Variants in ERN2 observed in about 807,000 individuals in gnomAD.
ERN2 encodes the protein endoplasmic reticulum to nucleus signaling 2.
In ERN2, 111 loss-of-function variants were observed where a neutral mutation model predicts 107.9. The ratio of observed to expected loss-of-function variants is 1.03; its 90% CI spans 0.88 to 1.20. ERN2 has a LOEUF of 1.20. Ranked by LOEUF, ERN2 falls within the 50% of genes most tolerant of loss-of-function variation. The pLI is 0.00. For missense variants in ERN2, 1,225 were observed against 1,197.9 expected (o/e 1.02, Z -0.33); for synonymous variants, 524 against 501.7 (o/e 1.04, Z -0.59).
Position 23,695,307 on chromosome 16 carries a change from G to A in ERN2, c.1693C>T (p.Leu565=). 1.2e-6 allele frequency: 2 copies of A among 1,613,824 alleles called. No individual in the cohort carries two copies. Among genetic ancestry groups the A allele is most frequent in the Non-Finnish European group, 1.7e-6 (2 of 1,179,916 alleles). Residue 565 remains leucine (L), a synonymous_variant, in exon 15 of 22, where the codon CTG becomes TTG. Coordinates refer to ENST00000256797, the MANE Select transcript of ERN2 (RefSeq NM_033266.4). ...TTGGGGTGCCTGTCAGACTCCTGCA[G>A]CAGTTGAACTTCCCGCCGAACCAGG... ...FGLVRREVQL[L]QESDRHPNVL...
In ERN2 at chr16:23,700,376, A is replaced by G. The variant is rs74012337; in HGVS notation, c.1525+163T>C. Reference sequence around the variant, plus strand: ...TGAAAAAATGACAGCAGACACTCCTAGAGTGCTCAATTACGTAGCAGGCTC... The same window carrying G: ...TGAAAAAATGACAGCAGACACTCCTGGAGTGCTCAATTACGTAGCAGGCTC... On this transcript the variant is annotated intron_variant, in intron 13 of 21. Coordinates refer to ENST00000256797, the MANE Select transcript of ERN2 (RefSeq NM_033266.4). 4.1e-3 allele frequency among the ~76,000 whole-genome samples: 631 copies of G among 152,326 alleles called. 9 individuals are homozygous for G. Among genetic ancestry groups the G allele is most frequent in the African/African-American group, 0.015 (604 of 41,572 alleles).
rs1288942768 is a variant in ERN2, at chr16:23,706,874, A to C, written c.380-13T>G. The C allele has an allele frequency of 6.2e-6, 10 of 1,607,932 alleles. No homozygotes were observed. The highest frequency in any genetic ancestry group is 8.5e-6 in the Non-Finnish European group (10 of 1,174,620). On this transcript the variant is annotated splice_polypyrimidine_tract_variant and intron_variant, in intron 5 of 21. Coordinates refer to ENST00000256797, the MANE Select transcript of ERN2 (RefSeq NM_033266.4). ...TCCTGCTTCCGGCCTGTGGAGGTGG[A>C]AAGTGTGTTAGCTCTCAAGTTGGCA...
rs144801608 is a variant in ERN2, at chr16:23,691,146, G to A, written c.2551C>T (p.Arg851Cys). ...ACACATACCTTGTTCCTCACAGCACGGAGCAGGTCTCGCACTGATGTCCCC... is the reference window on the plus strand; with the variant it reads ...ACACATACCTTGTTCCTCACAGCACAGAGCAGGTCTCGCACTGATGTCCCC... ...YKGTSVRDLL[R>C]AVRNKKHHYR... The change falls in exon 21 of 22, where the codon CGT (arginine) becomes TGT (cysteine). Residue 851 changes from arginine to cysteine, a missense_variant. Transcript: ENST00000256797. The A allele has an allele frequency of 7.4e-6, 12 of 1,613,728 alleles. No homozygotes were observed. The highest frequency in any genetic ancestry group is 1.3e-5 in the African/African-American group (1 of 74,804).
In ERN2 at chr16:23,695,965, G is replaced by C; in HGVS notation, c.1539C>G (p.Thr513=). Reference sequence around the variant, plus strand: ...GATTGAAGGAAATCTTCCCCACTACGGTGAGTTGCTCAGCTGGGGGAGAGG... The same window carrying C: ...GATTGAAGGAAATCTTCCCCACTACCGTGAGTTGCTCAGCTGGGGGAGAGG... The part of the protein sequence containing the change: ...PLDDPEAEQL[T]VVGKISFNPK... Residue 513 remains threonine (T), a synonymous_variant, in exon 14 of 22, where the codon ACC becomes ACG. Coordinates refer to ENST00000256797, the MANE Select transcript of ERN2 (RefSeq NM_033266.4). 1 of 1,613,948 alleles carries C rather than the reference G, an allele frequency of 6.2e-7. No homozygotes were observed. The highest frequency in any genetic ancestry group is 8.5e-7 in the Non-Finnish European group (1 of 1,179,844).
At position 23,694,881 on chromosome 16, in the gene ERN2, G is replaced by C; in HGVS notation, c.1947C>G (p.Asp649Glu). 1 of 1,614,238 alleles carries C rather than the reference G, an allele frequency of 6.2e-7. No homozygotes were observed. The highest frequency in any genetic ancestry group is 8.5e-7 in the Non-Finnish European group (1 of 1,180,040). Residue 649 changes from aspartate (D) to glutamate (E), a missense_variant, in exon 17 of 22, where the codon GAC (aspartate) becomes GAG (glutamate). Transcript: ENST00000256797. ...KPGNILITGP[D>E]SQGLGRVVLS... is the part of the protein sequence containing the mutation. ...GCACCACTCTGCCCAGGCCCTGGCT[G>C]TCAGGCCCGGTGATGAGAATATTTC...
intron 13 of ERN2, among the ~76,000 whole-genome samples, chr16:23,700,318 C>A (rs1050357238): frequency 6.6e-6 from 1 of 152,084 alleles, no homozygotes; most frequent in Admixed American, 6.6e-5. Flanking sequence ...GCCTGGGCAA[C>A]AGAGCAAGAT....
In ERN2 at chr16:23,700,627, G is replaced by C. The variant is rs1960011331; in HGVS notation, c.1437C>G (p.Ala479=). The C allele has an allele frequency of 3.7e-6, 6 of 1,614,012 alleles. No homozygotes were observed. Among genetic ancestry groups the C allele is most frequent in the Non-Finnish European group, 5.1e-6 (6 of 1,180,010 alleles). ...GGCTGGCCCCCGAGTGCAGGGACTG[G>C]GCATCCTGGGAGATGTGAGCAAAGT... ...PADFAHISQD[A]QSLHSGASRR... is the part of the protein sequence containing the mutation. The change falls in exon 13 of 22, where the codon GCC becomes GCG. Residue 479 remains alanine, a synonymous_variant. Transcript: ENST00000256797.
At chr16:23,691,825 C>T in intron 19 of ERN2, 138 bp downstream of exon 19, 1 of 1,234,904 alleles carries the variant, frequency 8.1e-7, no homozygotes, top group Non-Finnish European at 1.1e-6. Context: ...GGCTGGCTCC[C>T]AGTTTAGGGA....
At position 23,692,088 on chromosome 16, in the gene ERN2, T is replaced by C; in HGVS notation, c.2251A>G (p.Lys751Glu). ...CCAACCAGGTCCCGGGCAACCACCT[T>C]GTCTGGAGGATGGAAGAGGAGGAGG... Reference protein sequence around the residue: ...LAHLEEEVHDKVVARDLVGAM... With the variant: ...LAHLEEEVHDEVVARDLVGAM... Residue 751 changes from lysine to glutamate, a missense_variant and splice_region_variant, in exon 19 of 22, where the codon AAG becomes GAG. Lys to Glu is a moderately conservative substitution (Grantham distance 56). Coordinates refer to ENST00000256797, the MANE Select transcript of ERN2 (RefSeq NM_033266.4). 2 of 1,613,796 alleles carry C rather than the reference T, an allele frequency of 1.2e-6. No homozygotes were observed. The highest frequency in any genetic ancestry group is 1.7e-6 in the Non-Finnish European group (2 of 1,180,012).
At position 23,702,144 on chromosome 16, in the gene ERN2, G is replaced by C; in HGVS notation, c.1203+8C>G. On this transcript the variant is annotated splice_region_variant and intron_variant, in intron 11 of 21. Coordinates refer to ENST00000256797, the MANE Select transcript of ERN2 (RefSeq NM_033266.4). ...CCTACCCCCACTCTCTCCCCTCCCAGCACTGACCTCCAAGAAGAAGGCTGG... is the reference window on the plus strand; with the variant it reads ...CCTACCCCCACTCTCTCCCCTCCCACCACTGACCTCCAAGAAGAAGGCTGG... 6.2e-7 allele frequency: 1 copy of C among 1,611,582 alleles called. No individual in the cohort carries two copies. The highest frequency in any genetic ancestry group is 8.5e-7 in the Non-Finnish European group (1 of 1,179,204).
In ERN2 at chr16:23,710,194, G is replaced by T. The variant is rs1960483237; in HGVS notation, c.284C>A (p.Thr95Asn). 6.2e-7 allele frequency: 1 copy of T among 1,613,618 alleles called. No homozygotes were observed. Among genetic ancestry groups the T allele is most frequent in the African/African-American group, 1.3e-5 (1 of 74,880 alleles). The change falls in exon 4 of 22, where the codon ACC becomes AAC. Residue 95 changes from threonine to asparagine, a missense_variant. Physicochemically the swap from Thr to Asn is moderately conservative, Grantham distance 65. Coordinates refer to ENST00000256797, the MANE Select transcript of ERN2 (RefSeq NM_033266.4). ...AACCATTAATCCCTGTTGTTTTTGG[G>T]TCCCCAAGATGTACAGGCTGCCATC... ...PADGSLYILG[T>N]QKQQGLMKLP...
Position 23,695,979 on chromosome 16 carries a change from CT to C in ERN2, c.1526-2del, listed in dbSNP as rs1484190662. On this transcript the variant is annotated splice_acceptor_variant, in intron 13 of 21. Coordinates refer to ENST00000256797, the MANE Select transcript of ERN2 (RefSeq NM_033266.4). LOFTEE classifies it high-confidence loss of function. Reference sequence around the variant, plus strand: ...TTCCCCACTACGGTGAGTTGCTCAGCTGGGGGAGAGGAGGGTGGTGACTCAG... The same window carrying C: ...TTCCCCACTACGGTGAGTTGCTCAGCGGGGGAGAGGAGGGTGGTGACTCAG... 2.5e-6 allele frequency: 4 copies of C among 1,613,450 alleles called. No individual in the cohort carries two copies. In the African/African-American group the frequency reaches 5.3e-5, roughly 22 times the overall value.
chr16:23,695,952 T>A lies in ERN2; in HGVS notation c.1552A>T (p.Ile518Phe), dbSNP rs749698281. 108 of 1,614,120 alleles carry A rather than the reference T, an allele frequency of 6.7e-5. No homozygotes were observed. The highest frequency in any genetic ancestry group is 6.6e-4 in the Middle Eastern group (4 of 6,062). ...EAEQLTVVGK[I>F]SFNPKDVLGR... ...AGCACGTCCTTGGGATTGAAGGAAATCTTCCCCACTACGGTGAGTTGCTCA... is the reference window on the plus strand; with the variant it reads ...AGCACGTCCTTGGGATTGAAGGAAAACTTCCCCACTACGGTGAGTTGCTCA... The change falls in exon 14 of 22, where the codon ATT (isoleucine) becomes TTT (phenylalanine). Residue 518 changes from isoleucine (I) to phenylalanine (F), a missense_variant. Ile to Phe is a conservative substitution (Grantham distance 21). Transcript: ENST00000256797.
intron 2 of ERN2, 134 bp downstream of exon 2, chr16:23,710,779 G>A: frequency 1.2e-6 from 1 of 827,022 alleles, no homozygotes; most frequent in Non-Finnish European, 2.0e-6. Flanking sequence ...CACACAGCTG[G>A]TAAGCAGTGA....
At position 23,694,822 on chromosome 16, in the gene ERN2, G is replaced by A. The variant is rs1296136471; in HGVS notation, c.2006C>T (p.Ala669Val). 2.5e-6 allele frequency: 4 copies of A among 1,614,056 alleles called. No individual in the cohort carries two copies. Among genetic ancestry groups the A allele is most frequent in the South Asian group, 1.1e-5 (1 of 91,068 alleles). The change falls in exon 17 of 22, where the codon GCT (alanine) becomes GTT (valine). Residue 669 changes from alanine to valine, a missense_variant. Ala to Val is a moderately conservative substitution (Grantham distance 64). Transcript: ENST00000256797. ...SDFGLCKKLP[A>V]GRCSFSLHSG... Reference sequence around the variant, plus strand: ...GTGGAGGCTGAAGCTACAGCGGCCAGCAGGCAGCTTCTTGCAGAGGCCGAA... The same window carrying A: ...GTGGAGGCTGAAGCTACAGCGGCCAACAGGCAGCTTCTTGCAGAGGCCGAA...
chr16:23,692,964 A>ATTT (rs35837766), intron 17 of ERN2, among the ~76,000 whole-genome samples: 1 of 146,288 alleles, frequency 6.8e-6, no homozygotes, highest in African/African-American at 2.5e-5. Context: ...AGCGATTCTG[A>ATTT]TTTTTTTTTT....
chr16:23,706,356 G>A lies in ERN2; in HGVS notation c.563C>T (p.Pro188Leu). Residue 188 changes from proline (P) to leucine (L), a missense_variant, in exon 7 of 22, where the codon CCC becomes CTC. By Grantham distance (98) the Pro-to-Leu change is moderately conservative. Transcript: ENST00000256797. ...WNTTYRRYSA[P>L]PMDGSPGKYM... ...TTTCCCAGGTGAGCCATCCATGGGG[G>A]GCGCTGAGTAGCGGCGGTAGGTGGT... The A allele has an allele frequency of 6.4e-7, 1 of 1,556,042 alleles. No individual in the cohort carries two copies. Among genetic ancestry groups the A allele is most frequent in the Non-Finnish European group, 8.7e-7 (1 of 1,154,616 alleles).
Position 23,690,724 on chromosome 16 carries a change from G to T in ERN2, c.*107C>A. ...TCTCACTCAGCCTCCCAAAATGCTGGGATTACAGGTGTGAGCCACTGCACC... is the reference window on the plus strand; with the variant it reads ...TCTCACTCAGCCTCCCAAAATGCTGTGATTACAGGTGTGAGCCACTGCACC... On this transcript the variant is annotated 3_prime_UTR_variant, in exon 22 of 22. Transcript: ENST00000256797. 1 of 860,598 alleles carries T rather than the reference G, an allele frequency of 1.2e-6. No homozygotes were observed. The highest frequency in any genetic ancestry group is 1.8e-6 in the Non-Finnish European group (1 of 551,044). 53.3% of individuals were successfully genotyped at this position (860,598 alleles called of 1,614,324 possible).
chr16:23,704,933 T>A lies in ERN2; in HGVS notation c.804A>T (p.Ser268=). Residue 268 remains serine, a synonymous_variant, in exon 8 of 22, where the codon TCA becomes TCT. Coordinates refer to ENST00000256797, the MANE Select transcript of ERN2 (RefSeq NM_033266.4). ...LRWGHIRLPA[S]GPRDTATLFS... is the part of the protein sequence containing the mutation. ...AGAGGGTGGCTGTGTCCCGGGGGCC[T>A]GAGGCAGGCAGTCGGATGTGGCCCC... 6.2e-7 allele frequency: 1 copy of A among 1,613,626 alleles called. No homozygotes were observed. The highest frequency in any genetic ancestry group is 8.5e-7 in the Non-Finnish European group (1 of 1,180,034).
Sources: allele counts gnomAD v4.1 joint callset (sites outside exome capture counted in the v4.1 genomes callset), GRCh38; gene constraint gnomAD v4.1.1; transcripts MANE v1.5; gene names NCBI Gene and HGNC (gene_info 2026-07-23, HGNC 2026-07-21).